The following FBXO25 variants were observed in gnomAD, a reference collection of about 807,000 sequenced individuals.
FBXO25 encodes F-box protein 25.
A neutral mutation model predicts 51.9 loss-of-function variants in FBXO25; 45 were observed. That is an observed-to-expected ratio of 0.87 (90% confidence interval 0.68 to 1.11). The LOEUF is 1.11. Ranked by LOEUF, FBXO25 falls within the 50% of genes most tolerant of loss-of-function variation. The pLI, the probability that FBXO25 is intolerant of heterozygous loss-of-function variation, is 0.00. For synonymous variants in FBXO25, 199 were observed against 151.0 expected, an observed-to-expected ratio of 1.32 and a Z score of -2.33; for missense variants, 507 against 428.5, an observed-to-expected ratio of 1.18 and a Z score of -1.62.
intron 2 of FBXO25, among the ~76,000 whole-genome samples, chr8:429,987 A>T (rs1178918750): frequency 6.6e-6 from 1 of 152,216 alleles, no homozygotes; most frequent in African/African-American, 2.4e-5. Context: ...CAGTGTGTCC[A>T]TGGGATATCT....
intron 8 of FBXO25, among the ~76,000 whole-genome samples, 192 bp from the exon 9 acceptor site, chr8:462,815 T>C (rs10097140): frequency 0.17 from 25,379 of 152,096 alleles, 2,559 homozygotes; most frequent in African/African-American, 0.27. Flanking sequence ...TCTCCAGTGA[T>C]GGGAGCACAA....
intron 4 of FBXO25, among the ~76,000 whole-genome samples, chr8:434,762 T>C (rs1232430939): frequency 1.3e-5 from 2 of 152,208 alleles, no homozygotes; most frequent in African/African-American, 4.8e-5. Flanking sequence ...GAGTTTAAAA[T>C]GACTTCTGAA....
chr8:448,451 T>G (rs1434394204), intron 5 of FBXO25, among the ~76,000 whole-genome samples: 1 of 152,220 alleles, frequency 6.6e-6, no homozygotes, highest in Non-Finnish European at 1.5e-5. Context: ...TCCTTACTTA[T>G]GGGATCCTCC....
chr8:449,656 C>T (rs1798954657), intron 5 of FBXO25, among the ~76,000 whole-genome samples: 1 of 152,158 alleles, frequency 6.6e-6, no homozygotes, highest in Admixed American at 6.5e-5. Flanking sequence ...TTCTGGTGTG[C>T]CCTTTTGCTA....
At chr8:448,830 T>C (rs1030241564) in intron 5 of FBXO25, among the ~76,000 whole-genome samples, 13 of 152,214 alleles carry the variant, frequency 8.5e-5, no homozygotes, top group Admixed American at 7.2e-4. Flanking sequence ...TTTATCACAA[T>C]GTGGAACAGT....
At chr8:461,970 G>A (rs1799846767) in intron 8 of FBXO25, among the ~76,000 whole-genome samples, 1 of 152,212 alleles carries the variant, frequency 6.6e-6, no homozygotes, top group African/African-American at 2.4e-5. Flanking sequence ...ACATGTTCGA[G>A]TTTGTGTGTA....
At chr8:455,413 G>C (rs1799360029) in intron 7 of FBXO25, among the ~76,000 whole-genome samples, 1 of 152,160 alleles carries the variant, frequency 6.6e-6, no homozygotes, top group Non-Finnish European at 1.5e-5. Flanking sequence ...GTGGGTGCGA[G>C]GGAAGGAAGA....
Position 468,175 on chromosome 8 carries a change from C to T in FBXO25, c.988-540C>T, listed in dbSNP as rs1468333440. 3 of 1,019,444 alleles carry T rather than the reference C, an allele frequency of 2.9e-6. No individual in the cohort carries two copies. In the East Asian group the frequency reaches 3.0e-4, roughly 101 times the overall value. 63.1% of individuals were successfully genotyped at this position (1,019,444 alleles called of 1,614,324 possible). A position where few individuals can be genotyped will look rare whatever the true frequency, so the allele number is the denominator to read the frequency against. On this transcript the variant is annotated intron_variant, in intron 9 of 9. Transcript: ENST00000350302. ...CTCATATTAAATATAATTCTGGATC[C>T]TTAGGTATGTGAGCATGGCCAGCTC...
chr8:435,569 C>T (rs375420921), intron 4 of FBXO25, 46 bp from the exon 5 acceptor site: 1 of 1,585,410 alleles, frequency 6.3e-7, no homozygotes, highest in East Asian at 2.2e-5. Context: ...ACTGCCAATT[C>T]TTTTTGGCTA....
intron 2 of FBXO25, among the ~76,000 whole-genome samples, chr8:417,843 C>G (rs1467851249): frequency 6.6e-6 from 1 of 152,162 alleles, no homozygotes; most frequent in Non-Finnish European, 1.5e-5. Context: ...CTATTTCCCA[C>G]TTTTCATTAT....
intron 1 of FBXO25, among the ~76,000 whole-genome samples, chr8:407,785 C>T (rs1796253941): frequency 4.6e-5 from 7 of 152,184 alleles, no homozygotes; most frequent in Admixed American, 3.3e-4. Flanking sequence ...GTCTCTGTCT[C>T]CTCCCTTAAT....
chr8:418,479 A>G (rs911413102), intron 2 of FBXO25, among the ~76,000 whole-genome samples: 7 of 150,786 alleles, frequency 4.6e-5, no homozygotes, highest in African/African-American at 9.8e-5. Context: ...AGCTGGGACT[A>G]CAGGCGCCCA....
At position 477,677 on chromosome 8, in the gene FBXO25, G is replaced by C. The variant is rs1217909538; in HGVS notation, c.*8873G>C. 1 of 144,274 alleles carries C rather than the reference G, an allele frequency of 6.9e-6. No homozygotes were observed. The highest frequency in any genetic ancestry group is 2.9e-5 in the African/African-American group (1 of 33,910). 8.9% of individuals were successfully genotyped at this position (144,274 alleles called of 1,614,324 possible). A position where few individuals can be genotyped will look rare whatever the true frequency, so the allele number is the denominator to read the frequency against. ...GCTTTTCCAGCCATGGGGCTCTCTT[G>C]CCACTTGGCAGTAGTGGCATGAAGC... On this transcript the variant is annotated 3_prime_UTR_variant, in exon 10 of 10. Transcript: ENST00000350302.
intron 2 of FBXO25, among the ~76,000 whole-genome samples, chr8:415,960 G>C (rs1796774053): frequency 6.6e-6 from 1 of 152,190 alleles, no homozygotes; most frequent in Non-Finnish European, 1.5e-5. Flanking sequence ...TATATAAGAA[G>C]TTGTTCCTTG....
intron 5 of FBXO25, among the ~76,000 whole-genome samples, chr8:443,974 G>C (rs1178037605): frequency 6.6e-6 from 1 of 152,200 alleles, no homozygotes; most frequent in Admixed American, 6.5e-5. Context: ...TGCTCTTCAG[G>C]TCTGGCCCCT....
At chr8:434,280 T>C (rs1271332415) in intron 4 of FBXO25, among the ~76,000 whole-genome samples, 1 of 152,166 alleles carries the variant, frequency 6.6e-6, no homozygotes, top group Non-Finnish European at 1.5e-5. Flanking sequence ...GCACATGCTC[T>C]TTGTGGTCTG....
intron 4 of FBXO25, among the ~76,000 whole-genome samples, chr8:435,165 G>A (rs1798027936): frequency 6.6e-6 from 1 of 152,170 alleles, no homozygotes; most frequent in African/African-American, 2.4e-5. Context: ...GGCAGTGCAT[G>A]CCTCCCCTGC....
chr8:416,746 G>A (rs1796828754), intron 2 of FBXO25, among the ~76,000 whole-genome samples: 1 of 152,188 alleles, frequency 6.6e-6, no homozygotes. Context: ...CACCTGTTTA[G>A]TCCACAATAT....
intron 2 of FBXO25, among the ~76,000 whole-genome samples, chr8:422,706 A>C (rs1797228474): frequency 6.6e-6 from 1 of 152,172 alleles, no homozygotes; most frequent in Non-Finnish European, 1.5e-5. Context: ...TTAATAGGCA[A>C]GCCAGAGGCA....
Sources: allele counts gnomAD v4.1 joint callset (sites outside exome capture counted in the v4.1 genomes callset), GRCh38; gene constraint gnomAD v4.1.1; transcripts MANE v1.5; gene names NCBI Gene and HGNC (gene_info 2026-07-23, HGNC 2026-07-21).